Variants in NRP2 observed in about 807,000 individuals in gnomAD.
NRP2 encodes neuropilin 2, also known as neuropilin-2.
In NRP2, 52 loss-of-function variants were observed where a neutral mutation model predicts 110.4. That is an observed-to-expected ratio of 0.47 (90% CI 0.38 to 0.59). NRP2 has a LOEUF of 0.59. Among genes scored for constraint, NRP2 ranks in the 20% least tolerant of loss-of-function variants. The pLI is 0.00. For missense variants in NRP2, 1,049 were observed against 1,203.0 expected (o/e 0.87, Z 1.89); for synonymous variants, 508 against 468.9 (o/e 1.08, Z -1.08).
rs771743285 is a variant in NRP2, at chr2:205,752,857, G to A, written c.1926G>A (p.Ser642=). 35 of 1,613,978 alleles carry A rather than the reference G, an allele frequency of 2.2e-5. No individual in the cohort carries two copies. The East Asian group carries it at 2.5e-4, about 11-fold the overall frequency. ...FEDDKDLQLP[S]GFNCNFDFLE... ...TAGACAAAGATTTGCAGCTCCCTTC[G>A]GGATTCAATTGCAACTTCGATTTCC... The change falls in exon 12 of 17, where the codon TCG becomes TCA. Residue 642 remains serine, a synonymous_variant. Transcript: ENST00000357785.
chr2:205,758,821 C>G (rs1031417703), intron 12 of NRP2, among the ~76,000 whole-genome samples: 2 of 152,194 alleles, frequency 1.3e-5, no homozygotes, highest in Admixed American at 1.3e-4. Flanking sequence ...CAAGAACAGG[C>G]AGGGCTGGTT....
In NRP2 at chr2:205,793,197, T is replaced by C. The variant is rs144315819; in HGVS notation, c.2476+912T>C. ...ACCAACCTACATGGAGAGACCGCAG[T>C]AGATCAGGCAGAGGCGCACTGGAAT... On this transcript the variant is annotated intron_variant, in intron 16 of 16. Coordinates refer to ENST00000357785, the MANE Select transcript of NRP2 (RefSeq NM_003872.3). 2.6e-5 allele frequency among the ~76,000 whole-genome samples: 4 copies of C among 152,240 alleles called. No individual in the cohort carries two copies. In the East Asian group the frequency reaches 7.7e-4, roughly 29 times the overall value.
chr2:205,792,063 C>G (rs1177240350), intron 15 of NRP2, among the ~76,000 whole-genome samples, 172 bp from the exon 16 acceptor site: 1 of 152,162 alleles, frequency 6.6e-6, no homozygotes, highest in African/African-American at 2.4e-5. Context: ...AGACACAGGT[C>G]ATCTGAAGGA....
intron 3 of NRP2, among the ~76,000 whole-genome samples, chr2:205,717,824 A>T (rs1264892917): frequency 1.3e-5 from 2 of 152,244 alleles, no homozygotes; most frequent in African/African-American, 4.8e-5. Flanking sequence ...AAGAAATAAA[A>T]GGGGATGCTT....
At chr2:205,689,251 G>T (rs1344196617) in intron 1 of NRP2, among the ~76,000 whole-genome samples, 1 of 152,242 alleles carries the variant, frequency 6.6e-6, no homozygotes, top group Non-Finnish European at 1.5e-5. Context: ...CCTGGGTTTA[G>T]AATCTAGCTC....
rs2058364385 is a variant in NRP2, at chr2:205,797,975, T to A, written c.*2917T>A. 6.6e-6 allele frequency: 1 copy of A among 152,582 alleles called. No individual in the cohort carries two copies. The highest frequency in any genetic ancestry group is 2.4e-5 in the African/African-American group (1 of 41,424). 9.5% of individuals were successfully genotyped at this position (152,582 alleles called of 1,614,324 possible). A position where few individuals can be genotyped will look rare whatever the true frequency, so the allele number is the denominator to read the frequency against. ...CTTTTTCAGGGTTTGCAGTTAGAGG[T>A]ATTCGACCATTCACTGGCTGAGCCA... On this transcript the variant is annotated 3_prime_UTR_variant, in exon 17 of 17. Transcript: ENST00000357785.
intron 15 of NRP2, among the ~76,000 whole-genome samples, chr2:205,784,843 G>A (rs1370693958): frequency 1.3e-5 from 2 of 152,096 alleles, no homozygotes; most frequent in South Asian, 4.1e-4. Context: ...AAAAGCATGG[G>A]TCAGATTCCT....
intron 15 of NRP2, among the ~76,000 whole-genome samples, chr2:205,791,191 T>C (rs763396197): frequency 2.0e-5 from 3 of 152,230 alleles, no homozygotes; most frequent in African/African-American, 4.8e-5. Context: ...TCTTGTCTGA[T>C]ACTTCAGCCG....
Position 205,749,835 on chromosome 2 carries a change from G to C in NRP2, c.1897G>C (p.Glu633Gln). The change falls in exon 11 of 17, where the codon GAG (glutamate) becomes CAG (glutamine). Residue 633 changes from glutamate (E) to glutamine (Q), a missense_variant. Physicochemically the swap from Glu to Gln is conservative, Grantham distance 29. Transcript: ENST00000357785. ...AGAGTGTGGGGAGAACTGCAGCTTTGAGGATGGTAAGCACAAATTGCCTCC... is the reference window on the plus strand; with the variant it reads ...AGAGTGTGGGGAGAACTGCAGCTTTCAGGATGGTAAGCACAAATTGCCTCC... ...ATECGENCSF[E>Q]DDKDLQLPSG... 6.2e-7 allele frequency: 1 copy of C among 1,613,544 alleles called. No homozygotes were observed. The highest frequency in any genetic ancestry group is 8.5e-7 in the Non-Finnish European group (1 of 1,179,522).
rs144725657 is a variant in NRP2, at chr2:205,725,240, C to T, written c.821-673C>T. ...TTGATACCTGATAAGGATTGCTGGC[C>T]GATCTTAGACACATGCACACACACA... On this transcript the variant is annotated intron_variant, in intron 5 of 16. Transcript: ENST00000357785. This position sits in a 1 kb window ranked among gnomAD's most constrained non-coding sequence, Gnocchi z 4.1. 6.0e-3 allele frequency among the ~76,000 whole-genome samples: 911 copies of T among 152,216 alleles called. 10 individuals are homozygous for T. The highest frequency in any genetic ancestry group is 0.02 in the African/African-American group (817 of 41,530).
intron 1 of NRP2, among the ~76,000 whole-genome samples, chr2:205,696,441 C>T (rs1040017329): frequency 9.2e-5 from 14 of 152,166 alleles, no homozygotes; most frequent in African/African-American, 2.2e-4. Flanking sequence ...GGAAGGTCTC[C>T]GAGAGGCTTC....
intron 15 of NRP2, chr2:205,779,055 G>A (rs1326259619): frequency 6.6e-6 from 1 of 152,230 alleles, no homozygotes; most frequent in East Asian, 1.9e-4. Context: ...TCTCTTCTAA[G>A]AAAAATAGAC....
chr2:205,729,031 G>A (rs2057184988), intron 7 of NRP2, among the ~76,000 whole-genome samples: 1 of 152,166 alleles, frequency 6.6e-6, no homozygotes, highest in African/African-American at 2.4e-5. Context: ...TATCAAAATG[G>A]GGCACATGTG....
At chr2:205,767,160 A>T in intron 15 of NRP2, 1 of 354,600 alleles carries the variant, frequency 2.8e-6, no homozygotes, top group Admixed American at 4.4e-5. Context: ...AAAAAAAAAA[A>T]TCAGTATAAA....
chr2:205,687,346 G>A (rs1307803431), intron 1 of NRP2, among the ~76,000 whole-genome samples: 1 of 152,212 alleles, frequency 6.6e-6, no homozygotes, highest in Non-Finnish European at 1.5e-5. Flanking sequence ...TAATTTGCAA[G>A]TAAACTGTAA....
At chr2:205,785,897 C>T (rs2105965782) in intron 15 of NRP2, among the ~76,000 whole-genome samples, 1 of 152,310 alleles carries the variant, frequency 6.6e-6, no homozygotes, top group Non-Finnish European at 1.5e-5. Context: ...TCACACCAAG[C>T]CCCCTCCTTT....
intron 15 of NRP2, chr2:205,776,163 T>G: frequency 1.2e-5 from 16 of 1,298,164 alleles, no homozygotes; most frequent in Non-Finnish European, 1.5e-5. Context: ...AGCATGTGTG[T>G]GTTTCTTTCT....
chr2:205,732,484 A>G (rs1026018980), intron 7 of NRP2, among the ~76,000 whole-genome samples: 1 of 152,226 alleles, frequency 6.6e-6, no homozygotes, highest in African/African-American at 2.4e-5. Flanking sequence ...GCACCGTGTG[A>G]TCTTGGAAAC....
At chr2:205,775,472 C>G (rs73983261) in intron 15 of NRP2, among the ~76,000 whole-genome samples, 2,428 of 152,290 alleles carry the variant, frequency 0.016, 63 homozygotes, top group African/African-American at 0.055. Context: ...CACTCACTCT[C>G]GCTCTCACAT....
Sources: allele counts gnomAD v4.1 joint callset (sites outside exome capture counted in the v4.1 genomes callset), GRCh38; gene constraint gnomAD v4.1.1; non-coding constraint Gnocchi (gnomAD v3.1); transcripts MANE v1.5; gene names NCBI Gene and HGNC (gene_info 2026-07-23, HGNC 2026-07-21).